The following TEX9 variants were observed in gnomAD, a reference collection of about 807,000 sequenced individuals.
The protein encoded by TEX9 is testis expressed 9, also known as testis-expressed protein 9.
Under a neutral mutation model 59.6 loss-of-function variants are expected in TEX9, and 74 were observed. The observed-to-expected ratio is 1.24, with a 90% confidence interval of 1.03 to 1.51. TEX9 has a LOEUF of 1.51. Among genes scored for constraint, TEX9 ranks in the 40% most tolerant of loss-of-function variants. TEX9 has a pLI of 0.00. For synonymous variants in TEX9, 186 were observed against 152.2 expected (o/e 1.22, Z -1.64); for missense variants, 522 against 447.8 (o/e 1.17, Z -1.49).
intron 9 of TEX9, among the ~76,000 whole-genome samples, chr15:56,402,409 C>T (rs1428904318): frequency 2.0e-5 from 3 of 152,158 alleles, no homozygotes; most frequent in African/African-American, 7.2e-5. Flanking sequence ...AATTCCTGGA[C>T]ACATACACCC....
At chr15:56,267,064 C>G (rs2141372096) in intron 1 of TEX9, among the ~76,000 whole-genome samples, 1 of 152,308 alleles carries the variant, frequency 6.6e-6, no homozygotes, top group Non-Finnish European at 1.5e-5. Flanking sequence ...ATTTGCATTT[C>G]TCTGATGGCC....
At chr15:56,293,979 T>A (rs2045160048) in intron 1 of TEX9, among the ~76,000 whole-genome samples, 3 of 152,252 alleles carry the variant, frequency 2.0e-5, no homozygotes, top group African/African-American at 7.2e-5. Flanking sequence ...TATGAGGGTA[T>A]TTGGGGAACC....
At chr15:56,427,217 T>C (rs1224356622) in intron 10 of TEX9, among the ~76,000 whole-genome samples, 1 of 152,134 alleles carries the variant, frequency 6.6e-6, no homozygotes, top group East Asian at 1.9e-4. Flanking sequence ...CTTTCAAGGA[T>C]CATATCGCTT....
At chr15:56,252,807 C>T (rs1302279509) in intron 1 of TEX9, among the ~76,000 whole-genome samples, 1 of 152,056 alleles carries the variant, frequency 6.6e-6, no homozygotes, top group Non-Finnish European at 1.5e-5. Flanking sequence ...TTTTTGTGAT[C>T]TCAGGCAAGT....
chr15:56,300,744 A>AGAGAGATT (rs2045340460), intron 1 of TEX9, among the ~76,000 whole-genome samples: 1 of 139,410 alleles, frequency 7.2e-6, no homozygotes, highest in African/African-American at 2.7e-5. Flanking sequence ...AGAGAGAGAG[A>AGAGAGATT]GACTTCATTT....
intron 9 of TEX9, among the ~76,000 whole-genome samples, chr15:56,400,102 C>G (rs758801366): frequency 2.6e-5 from 4 of 152,162 alleles, no homozygotes; most frequent in Non-Finnish European, 4.4e-5. Flanking sequence ...CAGCTCCTTT[C>G]CAGCAACAGA....
At chr15:56,405,472 G>A (rs113326877) in intron 9 of TEX9, among the ~76,000 whole-genome samples, 119 of 152,180 alleles carry the variant, frequency 7.8e-4, no homozygotes, top group African/African-American at 2.7e-3. Flanking sequence ...TTAAATGAAC[G>A]TAAGTACCAT....
intron 1 of TEX9, among the ~76,000 whole-genome samples, chr15:56,270,295 G>T (rs1446237197): frequency 6.6e-6 from 1 of 152,124 alleles, no homozygotes; most frequent in African/African-American, 2.4e-5. Flanking sequence ...CTTTTTATAG[G>T]TCTCTCAGGA....
chr15:56,277,207 G>A (rs1277736217), intron 1 of TEX9, among the ~76,000 whole-genome samples: 2 of 152,132 alleles, frequency 1.3e-5, no homozygotes, highest in South Asian at 2.1e-4. Context: ...TTTGGCCTCT[G>A]TTGCAATTGC....
intron 8 of TEX9, 158 bp downstream of exon 8, chr15:56,394,405 GAATTTTCACAGAGCTGAAATATCTT>G: frequency 1.5e-6 from 1 of 667,126 alleles, no homozygotes; most frequent in Non-Finnish European, 2.4e-6. Context: ...CTGAGATGTT[GAATTTTCACAGAGCTGAAATATCTT>G]AAATTCTTGC....
intron 10 of TEX9, among the ~76,000 whole-genome samples, chr15:56,413,210 TAATTA>T (rs1400524786): frequency 4.4e-5 from 6 of 137,646 alleles, no homozygotes; most frequent in African/African-American, 1.6e-4. Flanking sequence ...TAATATTTAA[TAATTA>T]AATAATTTAA....
intron 1 of TEX9, among the ~76,000 whole-genome samples, chr15:56,257,524 T>C (rs1440387470): frequency 1.3e-5 from 2 of 152,204 alleles, no homozygotes; most frequent in Non-Finnish European, 2.9e-5. Flanking sequence ...TGGTTTTGAT[T>C]TGCATCTCTT....
intron 12 of TEX9, chr15:56,445,533 A>G (rs1243770100): frequency 6.6e-6 from 1 of 152,012 alleles, no homozygotes; most frequent in Non-Finnish European, 1.5e-5. Flanking sequence ...TACTCTGATA[A>G]TATGACTTGA....
chr15:56,443,551 T>TA (rs2050854741), intron 12 of TEX9: 2 of 1,572,314 alleles, frequency 1.3e-6, no homozygotes, highest in South Asian at 1.2e-5. Flanking sequence ...TTAAATTTTT[T>TA]AAAAAACATA....
chr15:56,298,293 A>G (rs2718956), intron 1 of TEX9, among the ~76,000 whole-genome samples: 52,886 of 152,006 alleles, frequency 0.35, 10,579 homozygotes, highest in Non-Finnish European at 0.45. Context: ...CCACTTCCAC[A>G]ATGTTTCTTC....
chr15:56,270,827 C>G (rs1304459022), intron 1 of TEX9, among the ~76,000 whole-genome samples: 4 of 152,176 alleles, frequency 2.6e-5, no homozygotes, highest in Admixed American at 6.5e-5. Context: ...TAAGGCAGGC[C>G]TGGTGGTGAT....
intron 12 of TEX9, among the ~76,000 whole-genome samples, chr15:56,435,785 CAG>C (rs1221909882): frequency 6.6e-6 from 1 of 151,928 alleles, no homozygotes; most frequent in Admixed American, 6.6e-5. Flanking sequence ...TTCCAGAAAA[CAG>C]AAGAGGAGGA....
At chr15:56,385,784 T>C (rs2047932700) in intron 4 of TEX9, among the ~76,000 whole-genome samples, 1 of 151,998 alleles carries the variant, frequency 6.6e-6, no homozygotes, top group African/African-American at 2.4e-5. Context: ...TATTCTAAGA[T>C]CAAGAAGTAG....
At chr15:56,412,280 C>T in intron 9 of TEX9, 22 bp from the exon 10 acceptor site, 2 of 1,576,684 alleles carry the variant, frequency 1.3e-6, no homozygotes, top group Non-Finnish European at 1.7e-6. Flanking sequence ...ATAAATGTTC[C>T]ATAATCTTTT....
Sources: allele counts gnomAD v4.1 joint callset (sites outside exome capture counted in the v4.1 genomes callset), GRCh38; gene constraint gnomAD v4.1.1; transcripts MANE v1.5; gene names NCBI Gene and HGNC (gene_info 2026-07-23, HGNC 2026-07-21).